Variants in LHFPL6 observed in about 807,000 individuals in gnomAD.
LHFPL6 encodes LHFPL tetraspan subfamily member 6.
A neutral mutation model predicts 20.6 loss-of-function variants in LHFPL6; 9 were observed. The ratio of observed to expected loss-of-function variants is 0.44; its 90% CI spans 0.26 to 0.76. The LOEUF (loss-of-function observed/expected upper bound fraction) is 0.76, where lower values mean the gene tolerates loss of function less well. Among genes scored for constraint, LHFPL6 ranks in the 30% least tolerant of loss-of-function variants. The probability of loss-of-function intolerance (pLI) is 0.20; values close to 1 mark genes in which losing one functional copy is unlikely to be tolerated. For synonymous variants in LHFPL6, 105 were observed against 98.7 expected (o/e 1.06, Z -0.38); for missense variants, 218 against 253.5 (o/e 0.86, Z 0.95).
chr13:39,410,684 C>T (rs560584934), intron 2 of LHFPL6, among the ~76,000 whole-genome samples: 1 of 152,296 alleles, frequency 6.6e-6, no homozygotes, highest in East Asian at 1.9e-4. Flanking sequence ...CTCCTTATTG[C>T]ACAATCCAGG....
chr13:39,432,008 G>T (rs1279437761), intron 2 of LHFPL6, among the ~76,000 whole-genome samples: 5 of 152,108 alleles, frequency 3.3e-5, no homozygotes, highest in African/African-American at 1.2e-4. Context: ...AATTAAGGGG[G>T]CTCCACCTTC....
chr13:39,601,502 T>G (rs772359276), intron 1 of LHFPL6, 112 bp from the exon 2 acceptor site: 18 of 290,350 alleles, frequency 6.2e-5, no homozygotes, highest in Admixed American at 9.8e-5. Flanking sequence ...GCCTCAACAC[T>G]TTAAAAGTGG....
chr13:39,453,162 T>C (rs1872492916), intron 2 of LHFPL6, among the ~76,000 whole-genome samples: 1 of 152,214 alleles, frequency 6.6e-6, no homozygotes, highest in South Asian at 2.1e-4. Flanking sequence ...GAGGTCATTC[T>C]TGCCCCTAAT....
At chr13:39,588,340 C>T (rs903600093) in intron 2 of LHFPL6, among the ~76,000 whole-genome samples, 1 of 152,176 alleles carries the variant, frequency 6.6e-6, no homozygotes, top group Non-Finnish European at 1.5e-5. Context: ...AAGTAAATGC[C>T]CTTAACCACC....
intron 2 of LHFPL6, among the ~76,000 whole-genome samples, chr13:39,502,167 T>C (rs1055464344): frequency 6.6e-6 from 1 of 152,232 alleles, no homozygotes; most frequent in Non-Finnish European, 1.5e-5. Flanking sequence ...CACCTCAAAA[T>C]GGCCTTGCCA....
chr13:39,414,068 T>C (rs1001897710), intron 2 of LHFPL6, among the ~76,000 whole-genome samples: 2 of 152,216 alleles, frequency 1.3e-5, no homozygotes, highest in African/African-American at 4.8e-5. Context: ...CTACTGTTCA[T>C]AGGCATTTGG....
chr13:39,397,503 G>A (rs74044047), intron 2 of LHFPL6, among the ~76,000 whole-genome samples: 2,315 of 152,336 alleles, frequency 0.015, 59 homozygotes, highest in African/African-American at 0.052. Flanking sequence ...TCTCCAAAGA[G>A]CTTGAAGAAA....
intron 2 of LHFPL6, among the ~76,000 whole-genome samples, chr13:39,380,828 G>T (rs918632447): frequency 3.3e-5 from 5 of 152,052 alleles, no homozygotes; most frequent in Admixed American, 2.0e-4. Flanking sequence ...GAACCCTATT[G>T]TGAACTATGC....
chr13:39,386,950 C>G (rs923756067), intron 2 of LHFPL6, among the ~76,000 whole-genome samples: 1 of 152,180 alleles, frequency 6.6e-6, no homozygotes, highest in Non-Finnish European at 1.5e-5. Flanking sequence ...TTAAGGTCTA[C>G]GAAGCCTCAA....
intron 2 of LHFPL6, among the ~76,000 whole-genome samples, chr13:39,393,073 A>G (rs73453087): frequency 0.05 from 7,588 of 152,292 alleles, 191 homozygotes; most frequent in Middle Eastern, 0.072. Flanking sequence ...AAATGTGCAT[A>G]GGTTATATGC....
intron 2 of LHFPL6, among the ~76,000 whole-genome samples, chr13:39,524,255 C>G (rs921551278): frequency 4.6e-5 from 7 of 151,746 alleles, no homozygotes; most frequent in African/African-American, 1.7e-4. Context: ...CTGGATTACA[C>G]TCAGTGTAAG....
At chr13:39,585,853 A>G (rs1566148230) in intron 2 of LHFPL6, among the ~76,000 whole-genome samples, 1 of 152,168 alleles carries the variant, frequency 6.6e-6, no homozygotes, top group African/African-American at 2.4e-5. Flanking sequence ...AGTATTATGT[A>G]TCACGTGTTA....
At chr13:39,560,577 C>G (rs571371977) in intron 2 of LHFPL6, among the ~76,000 whole-genome samples, 13 of 142,864 alleles carry the variant, frequency 9.1e-5, no homozygotes, top group Non-Finnish European at 2.0e-4. Flanking sequence ...TGCAGTGGCG[C>G]GATCTCGGCT....
chr13:39,545,823 C>A (rs1220306294), intron 2 of LHFPL6, among the ~76,000 whole-genome samples: 2 of 152,164 alleles, frequency 1.3e-5, no homozygotes, highest in African/African-American at 4.8e-5. Context: ...GTAATCCCAA[C>A]ACTTTGGAAG....
chr13:39,576,810 ATT>A (rs10716031), intron 2 of LHFPL6, among the ~76,000 whole-genome samples: 1 of 151,734 alleles, frequency 6.6e-6, no homozygotes, highest in Non-Finnish European at 1.5e-5. Context: ...ATTTAAACAA[ATT>A]TTTTTTCTAG....
chr13:39,474,787 GTACCACAGACAGCGATGCATC>G (rs1232177379), intron 2 of LHFPL6, among the ~76,000 whole-genome samples: 1 of 151,970 alleles, frequency 6.6e-6, no homozygotes, highest in Non-Finnish European at 1.5e-5. Context: ...GGGCAGGCCA[GTACCACAGACAGCGATGCATC>G]TCACACAACA....
intron 2 of LHFPL6, among the ~76,000 whole-genome samples, chr13:39,456,404 C>T (rs756981904): frequency 2.6e-5 from 4 of 152,158 alleles, no homozygotes; most frequent in Middle Eastern, 3.4e-3. Context: ...TGATAAACTG[C>T]GAAAAGTCAA....
intron 3 of LHFPL6, among the ~76,000 whole-genome samples, chr13:39,368,867 G>C (rs17059706): frequency 0.066 from 9,972 of 152,176 alleles, 537 homozygotes; most frequent in African/African-American, 0.14. Context: ...ATGTCCACAG[G>C]TCTCAGGAAT....
Position 39,580,395 on chromosome 13 carries a change from G to A in LHFPL6, c.385+20437C>T, listed in dbSNP as rs147034995. 1.9e-3 allele frequency among the ~76,000 whole-genome samples: 284 copies of A among 152,152 alleles called. 4 individuals are homozygous for A. Among genetic ancestry groups the A allele is most frequent in the Middle Eastern group, 6.8e-3 (2 of 294 alleles). On this transcript the variant is annotated intron_variant, in intron 2 of 3. Coordinates refer to ENST00000379589, the MANE Select transcript of LHFPL6 (RefSeq NM_005780.3). ...TCTAGTAACACAGTATATTTACCAC[G>A]TCCTGAATAAGAAGTCACCTACTAA...
Sources: gnomAD v4.1 joint callset for allele counts (sites outside exome capture counted in the v4.1 genomes callset) on GRCh38, gnomAD v4.1.1 for gene constraint, MANE v1.5 for transcripts, NCBI Gene and HGNC (gene_info 2026-07-23, HGNC 2026-07-21) for gene names.